PCDHGB5: variants seen among roughly 807,000 people sequenced by gnomAD.
PCDHGB5 encodes protocadherin gamma-B5.
Under a neutral mutation model 62.9 loss-of-function variants are expected in PCDHGB5, and 48 were observed. That is an observed-to-expected ratio of 0.76 (90% confidence interval 0.61 to 0.97). PCDHGB5 has a LOEUF of 0.97. Ranked by LOEUF, PCDHGB5 falls within the 50% of genes least tolerant of loss-of-function variation. The pLI is 0.00. For synonymous variants in PCDHGB5, 474 were observed against 511.2 expected (o/e 0.93, Z 0.98); for missense variants, 1,118 against 1,198.6 (o/e 0.93, Z 0.99).
chr5:141,500,839 G>A (rs2099802871), intron 2 of PCDHGB5, among the ~76,000 whole-genome samples: 1 of 151,906 alleles, frequency 6.6e-6, no homozygotes, highest in African/African-American at 2.4e-5. Flanking sequence ...ATGCTAATGG[G>A]CTTTTGCTAC....
chr5:141,490,906 G>A lies in PCDHGB5; in HGVS notation c.2398-3901G>A, dbSNP rs2099705910. 1 of 1,613,798 alleles carries A rather than the reference G, an allele frequency of 6.2e-7. No individual in the cohort carries two copies. Among genetic ancestry groups the A allele is most frequent in the Non-Finnish European group, 8.5e-7 (1 of 1,179,808 alleles). ...CACATCTCTGCATGTGTTTGTCCTA[G>A]ACGAGAATGATAATGCCCCAGCTGT... On this transcript the variant is annotated intron_variant, in intron 1 of 3. Coordinates refer to ENST00000617380, the MANE Select transcript of PCDHGB5 (RefSeq NM_018925.3). The surrounding 1 kb of genome is among the most constrained non-coding windows in gnomAD (Gnocchi z 5.4).
intron 1 of PCDHGB5, chr5:141,402,800 C>A: frequency 9.3e-7 from 1 of 1,072,728 alleles, no homozygotes; most frequent in Non-Finnish European, 1.3e-6. Flanking sequence ...ACACAAAACC[C>A]GGCAGATACC....
At chr5:141,427,146 AAT>A (rs1561826638) in intron 1 of PCDHGB5, 1 of 456,990 alleles carries the variant, frequency 2.2e-6, no homozygotes, top group Non-Finnish European at 4.4e-6. Context: ...TGATATTGGA[AAT>A]ATGTTTGTGC....
chr5:141,423,132 C>T (rs375287728), intron 1 of PCDHGB5: 41 of 1,613,540 alleles, frequency 2.5e-5, no homozygotes, highest in Non-Finnish European at 3.3e-5. Flanking sequence ...CACTGCTGGA[C>T]AGAGACGCGC....
intron 1 of PCDHGB5, chr5:141,410,735 T>A (rs2095420224): frequency 1.5e-6 from 2 of 1,336,188 alleles, no homozygotes; most frequent in East Asian, 4.7e-5. Context: ...CATAGCTTTT[T>A]ACAATATTTT....
intron 1 of PCDHGB5, chr5:141,419,649 A>C: frequency 6.2e-7 from 1 of 1,612,422 alleles, no homozygotes; most frequent in Non-Finnish European, 8.5e-7. Context: ...GTGGACGCGG[A>C]CTCGGGGCAC....
chr5:141,414,243 A>G (rs2154544977), intron 1 of PCDHGB5: 1 of 1,613,556 alleles, frequency 6.2e-7, no homozygotes. Context: ...TCACGTCTCT[A>G]TTTAGTCCAG....
intron 1 of PCDHGB5, chr5:141,409,788 C>T (rs1224847553): frequency 3.1e-6 from 5 of 1,612,138 alleles, no homozygotes; most frequent in Admixed American, 1.7e-5. Flanking sequence ...CGCGCCTTCG[C>T]GCTCACGCTG....
At chr5:141,418,851 G>A (rs778281594) in intron 1 of PCDHGB5, 9 of 1,613,906 alleles carry the variant, frequency 5.6e-6, no homozygotes, top group South Asian at 2.2e-5. Context: ...TCAACACGGT[G>A]TAAAGTAATT....
chr5:141,427,887 C>A (rs759734297), intron 1 of PCDHGB5: 2 of 1,565,908 alleles, frequency 1.3e-6, no homozygotes, highest in Admixed American at 1.7e-5. Flanking sequence ...GGCCCACGAC[C>A]AGGGCTCGCC....
At chr5:141,418,604 G>A in intron 1 of PCDHGB5, 2 of 1,614,040 alleles carry the variant, frequency 1.2e-6, no homozygotes, top group Non-Finnish European at 1.7e-6. Context: ...CGTGTACAGG[G>A]TTAGCCTTCG....
At chr5:141,454,941 G>A (rs2098807517) in intron 1 of PCDHGB5, among the ~76,000 whole-genome samples, 1 of 150,970 alleles carries the variant, frequency 6.6e-6, no homozygotes, top group Non-Finnish European at 1.5e-5. Flanking sequence ...CCGAGTAGCT[G>A]GGACTACAGG....
intron 3 of PCDHGB5, 149 bp downstream of exon 3, chr5:141,505,630 A>T: frequency 6.8e-7 from 1 of 1,480,262 alleles, no homozygotes; most frequent in East Asian, 2.4e-5. Flanking sequence ...AATTCCAAAC[A>T]TAAAGCCTGG....
Position 141,432,691 on chromosome 5 carries a change from G to A in PCDHGB5, c.2397+32167G>A, listed in dbSNP as rs1308174141. Reference sequence around the variant, plus strand: ...ACGCGCTCAAGCAGAGCCTCGTAGTGGCCGTCCAGGACCACGGCCAGCCCC... The same window carrying A: ...ACGCGCTCAAGCAGAGCCTCGTAGTAGCCGTCCAGGACCACGGCCAGCCCC... On this transcript the variant is annotated intron_variant, in intron 1 of 3. Transcript: ENST00000617380. The surrounding 1 kb of genome is among the most constrained non-coding windows in gnomAD (Gnocchi z 6.0). 1 of 1,613,942 alleles carries A rather than the reference G, an allele frequency of 6.2e-7. No individual in the cohort carries two copies. Among genetic ancestry groups the A allele is most frequent in the South Asian group, 1.1e-5 (1 of 91,068 alleles).
In PCDHGB5 at chr5:141,486,407, C is replaced by A; in HGVS notation, c.2398-8400C>A. The A allele has an allele frequency of 6.2e-7, 1 of 1,614,134 alleles. No homozygotes were observed. The highest frequency in any genetic ancestry group is 8.5e-7 in the Non-Finnish European group (1 of 1,180,000). On this transcript the variant is annotated intron_variant, in intron 1 of 3. Transcript: ENST00000617380. This position sits in a 1 kb window ranked among gnomAD's most constrained non-coding sequence, Gnocchi z 5.0. Reference sequence around the variant, plus strand: ...CCAGTTCTCCCTGGTGACTGCTGGACCCTTGGATCGAGAGGCCAAATCTAG... The same window carrying A: ...CCAGTTCTCCCTGGTGACTGCTGGAACCTTGGATCGAGAGGCCAAATCTAG...
intron 1 of PCDHGB5, among the ~76,000 whole-genome samples, chr5:141,453,679 T>C (rs960698192): frequency 2.0e-5 from 3 of 152,230 alleles, no homozygotes; most frequent in Non-Finnish European, 2.9e-5. Context: ...GGTAACACAC[T>C]ATGTAGGTAG....
Position 141,477,388 on chromosome 5 carries a change from C to T in PCDHGB5, c.2398-17419C>T. The T allele has an allele frequency of 6.2e-7, 1 of 1,614,136 alleles. No homozygotes were observed. The highest frequency in any genetic ancestry group is 8.5e-7 in the Non-Finnish European group (1 of 1,180,014). On this transcript the variant is annotated intron_variant, in intron 1 of 3. Transcript: ENST00000617380. The surrounding 1 kb of genome is among the most constrained non-coding windows in gnomAD (Gnocchi z 4.9). Reference sequence around the variant, plus strand: ...ATCGGGAGACTGTGCCAGAATACAACCTCAGCATCACCGCCCGAGACGCCG... The same window carrying T: ...ATCGGGAGACTGTGCCAGAATACAATCTCAGCATCACCGCCCGAGACGCCG...
Position 141,421,262 on chromosome 5 carries a change from G to GGCTGCT in PCDHGB5, c.2397+20749_2397+20754dup, listed in dbSNP as rs748368476. 11 of 1,609,598 alleles carry GGCTGCT rather than the reference G, an allele frequency of 6.8e-6. No individual in the cohort carries two copies. The Admixed American group carries it at 8.4e-5, about 12-fold the overall frequency. ...CGGCTACAGCGCGGGGACCGCAGTC[G>GGCTGCT]GCTGCTGCTGCTGCTGTGCATTTTC... is the stretch of plus-strand genomic sequence containing the variant. On this transcript the variant is annotated intron_variant, in intron 1 of 3. Coordinates refer to ENST00000617380, the MANE Select transcript of PCDHGB5 (RefSeq NM_018925.3).
Position 141,490,400 on chromosome 5 carries a change from T to A in PCDHGB5, c.2398-4407T>A. On this transcript the variant is annotated intron_variant, in intron 1 of 3. Coordinates refer to ENST00000617380, the MANE Select transcript of PCDHGB5 (RefSeq NM_018925.3). This position sits in a 1 kb window ranked among gnomAD's most constrained non-coding sequence, Gnocchi z 5.4. ...TCAGGTAGAAATGGTGAAGTGAGCC[T>A]TGATATCTCTCCGGACCTGCCATTT... The A allele has an allele frequency of 6.2e-7, 1 of 1,614,202 alleles. No homozygotes were observed. Among genetic ancestry groups the A allele is most frequent in the Non-Finnish European group, 8.5e-7 (1 of 1,180,032 alleles).
Sources: allele counts gnomAD v4.1 joint callset (sites outside exome capture counted in the v4.1 genomes callset), GRCh38; gene constraint gnomAD v4.1.1; non-coding constraint Gnocchi (gnomAD v3.1); transcripts MANE v1.5; gene names NCBI Gene and HGNC (gene_info 2026-07-23, HGNC 2026-07-21).